SORCS3: variants seen among roughly 807,000 people sequenced by gnomAD.
SORCS3 encodes the protein sortilin related VPS10 domain containing receptor 3, also known as VPS10 domain-containing receptor SorCS3.
In SORCS3, 57 loss-of-function variants were observed where a neutral mutation model predicts 146.3. That is an observed-to-expected ratio of 0.39 (90% CI 0.31 to 0.49). SORCS3 has a LOEUF of 0.49. Ranked by LOEUF, SORCS3 falls within the 20% of genes least tolerant of loss-of-function variation. The pLI is 0.92. For missense variants in SORCS3, 1,341 were observed against 1,575.5 expected, an observed-to-expected ratio of 0.85 and a Z score of 2.52; for synonymous variants, 653 against 618.5, an observed-to-expected ratio of 1.06 and a Z score of -0.83.
chr10:105,163,883 T>TACACACACACACACACAC (rs67886313), intron 11 of SORCS3, among the ~76,000 whole-genome samples: 59 of 138,714 alleles, frequency 4.3e-4, no homozygotes, highest in South Asian at 1.2e-3. Context: ...GTTACGCACA[T>TACACACACACACACACAC]ACACACACAC....
intron 4 of SORCS3, among the ~76,000 whole-genome samples, chr10:104,998,510 G>A (rs1200673102): frequency 4.6e-5 from 7 of 152,138 alleles, no homozygotes; most frequent in Non-Finnish European, 7.3e-5. Context: ...TTTTCATATG[G>A]TTAACCCAAC....
At chr10:105,089,420 A>T (rs1002019411) in intron 5 of SORCS3, among the ~76,000 whole-genome samples, 4 of 152,160 alleles carry the variant, frequency 2.6e-5, no homozygotes, top group Non-Finnish European at 5.9e-5. Context: ...GACAGAGGAG[A>T]TAGATGGAAG....
chr10:104,890,148 T>A (rs1256489915), intron 2 of SORCS3, among the ~76,000 whole-genome samples: 2 of 152,190 alleles, frequency 1.3e-5, no homozygotes, highest in African/African-American at 2.4e-5. Context: ...GTTGTTTTAT[T>A]CATGATTCTT....
intron 14 of SORCS3, among the ~76,000 whole-genome samples, chr10:105,183,677 C>T (rs933604398): frequency 5.3e-5 from 8 of 152,200 alleles, no homozygotes; most frequent in Non-Finnish European, 1.2e-4. Flanking sequence ...AGGCTGGCTG[C>T]TTGATTCATA....
chr10:104,851,350 A>G (rs2018272076), intron 2 of SORCS3, among the ~76,000 whole-genome samples: 1 of 152,082 alleles, frequency 6.6e-6, no homozygotes, highest in Non-Finnish European at 1.5e-5. Flanking sequence ...TTGTTATTTT[A>G]TGTTGTATTC....
chr10:104,674,623 A>G (rs1184134535), intron 1 of SORCS3, among the ~76,000 whole-genome samples: 1 of 152,244 alleles, frequency 6.6e-6, no homozygotes, highest in Non-Finnish European at 1.5e-5. Flanking sequence ...GTGAGCTGGA[A>G]GACCCAGGTA....
At chr10:104,685,578 T>G (rs552477583) in intron 1 of SORCS3, among the ~76,000 whole-genome samples, 12 of 152,302 alleles carry the variant, frequency 7.9e-5, no homozygotes, top group African/African-American at 2.6e-4. Flanking sequence ...AGCCAAGCAG[T>G]GCCTCTCCCA....
At chr10:104,701,310 A>G (rs2016277009) in intron 1 of SORCS3, among the ~76,000 whole-genome samples, 1 of 152,260 alleles carries the variant, frequency 6.6e-6, no homozygotes. Context: ...TTTGGCTGAT[A>G]CAGGAAGTAG....
chr10:104,726,978 G>C (rs906446330), intron 1 of SORCS3, among the ~76,000 whole-genome samples: 1 of 152,182 alleles, frequency 6.6e-6, no homozygotes, highest in Non-Finnish European at 1.5e-5. Flanking sequence ...TGAATTCCCT[G>C]TTGGGCCTCT....
At position 105,196,253 on chromosome 10, in the gene SORCS3, G is replaced by A. The variant is rs1397844466; in HGVS notation, c.2010-3746G>A. Among the ~76,000 whole-genome samples, 5 of 152,148 alleles carry A rather than the reference G, an allele frequency of 3.3e-5. No individual in the cohort carries two copies. The East Asian group carries it at 7.7e-4, about 23-fold the overall frequency. On this transcript the variant is annotated intron_variant, in intron 14 of 26. Transcript: ENST00000369701. ...ATCAAGCCTGAGCTTGAATTTCTAT[G>A]CTTACTAACTTTTGAGCATCTCTTG...
intron 16 of SORCS3, among the ~76,000 whole-genome samples, chr10:105,204,564 T>C (rs2056591284): frequency 1.3e-5 from 2 of 152,124 alleles, no homozygotes; most frequent in South Asian, 4.1e-4. Context: ...TTTTTTGATA[T>C]ATAATGTGGT....
intron 11 of SORCS3, among the ~76,000 whole-genome samples, chr10:105,160,874 A>T (rs1242896876): frequency 1.3e-5 from 2 of 152,116 alleles, no homozygotes; most frequent in Non-Finnish European, 2.9e-5. Flanking sequence ...AGGTTTGTGC[A>T]TTTGGCTTAG....
chr10:104,683,174 C>T (rs2016000257), intron 1 of SORCS3, among the ~76,000 whole-genome samples: 1 of 152,162 alleles, frequency 6.6e-6, no homozygotes, highest in South Asian at 2.1e-4. Flanking sequence ...TAACATTGGA[C>T]CTGGGTCATG....
At chr10:104,957,473 C>G (rs981774623) in intron 3 of SORCS3, among the ~76,000 whole-genome samples, 1 of 152,024 alleles carries the variant, frequency 6.6e-6, no homozygotes, top group African/African-American at 2.4e-5. Context: ...GACAAATGTG[C>G]TGTTCTGTCC....
At chr10:105,164,026 G>T (rs2056291001) in intron 11 of SORCS3, among the ~76,000 whole-genome samples, 1 of 151,874 alleles carries the variant, frequency 6.6e-6, no homozygotes, top group Non-Finnish European at 1.5e-5. Context: ...AGAGATTATT[G>T]GTATACAGAC....
In SORCS3 at chr10:104,817,471, TCCTCCTCTCCTTCTC is replaced by T. The variant is rs1461998797; in HGVS notation, c.628-25311_628-25297del. On this transcript the variant is annotated intron_variant, in intron 1 of 26. Coordinates refer to ENST00000369701, the MANE Select transcript of SORCS3 (RefSeq NM_014978.3). ...TTCTCCTTCTTCCTCCTCTCCTTCTTCCTCCTCTCCTTCTCCCTCCTCTCGCTTCTCCCTCCCCCT... is the reference window on the plus strand; with the variant it reads ...TTCTCCTTCTTCCTCCTCTCCTTCTTCCTCCTCTCGCTTCTCCCTCCCCCT... Among the ~76,000 whole-genome samples, 176 of 70,446 alleles carry T rather than the reference TCCTCCTCTCCTTCTC, an allele frequency of 2.5e-3. 1 individual carries two copies. Among genetic ancestry groups the T allele is most frequent in the African/African-American group, 8.2e-3 (159 of 19,322 alleles). 46.2% of individuals were successfully genotyped at this position (70,446 alleles called of 152,430 possible).
chr10:104,856,072 T>C (rs2018327947), intron 2 of SORCS3, among the ~76,000 whole-genome samples: 1 of 152,144 alleles, frequency 6.6e-6, no homozygotes, highest in South Asian at 2.1e-4. Flanking sequence ...CTCAGCACGG[T>C]GCTAGGCGTT....
At chr10:104,726,075 G>C (rs1041578934) in intron 1 of SORCS3, among the ~76,000 whole-genome samples, 1 of 152,196 alleles carries the variant, frequency 6.6e-6, no homozygotes, top group Non-Finnish European at 1.5e-5. Flanking sequence ...GCTCACGCTG[G>C]GTGCTGTAGA....
intron 20 of SORCS3, among the ~76,000 whole-genome samples, chr10:105,238,450 A>G (rs2056805736): frequency 6.6e-6 from 1 of 152,158 alleles, no homozygotes; most frequent in Admixed American, 6.5e-5. Context: ...TACAAAGTTG[A>G]GCCTAAGCTG....
Sources: gnomAD v4.1 joint callset for allele counts (sites outside exome capture counted in the v4.1 genomes callset) on GRCh38, gnomAD v4.1.1 for gene constraint, MANE v1.5 for transcripts, NCBI Gene and HGNC (gene_info 2026-07-23, HGNC 2026-07-21) for gene names.